The following NTRK3 variants were observed in gnomAD, a reference collection of about 807,000 sequenced individuals.
NTRK3 encodes neurotrophic receptor tyrosine kinase 3.
Under a neutral mutation model 91.7 loss-of-function variants are expected in NTRK3, and 24 were observed. The observed-to-expected ratio is 0.26, with a 90% CI of 0.19 to 0.37. NTRK3 has a LOEUF of 0.37. Ranked by LOEUF, NTRK3 falls within the 10% of genes least tolerant of loss-of-function variation. NTRK3 has a pLI of 1.00. For synonymous variants in NTRK3, 483 were observed against 404.0 expected (o/e 1.20, Z -2.34); for missense variants, 880 against 1,068.9 (o/e 0.82, Z 2.46).
At chr15:87,986,488 G>A (rs922081363) in intron 14 of NTRK3, among the ~76,000 whole-genome samples, 1 of 152,110 alleles carries the variant, frequency 6.6e-6, no homozygotes, top group Non-Finnish European at 1.5e-5. Flanking sequence ...TCCTTTTCAG[G>A]AATCTTGAAA....
chr15:87,919,077 A>G (rs985249014), intron 17 of NTRK3, among the ~76,000 whole-genome samples: 1 of 151,488 alleles, frequency 6.6e-6, no homozygotes, highest in South Asian at 2.1e-4. Context: ...CAATAATGCT[A>G]TTGGTGTGGC....
At chr15:87,964,298 A>G (rs2072589708) in intron 14 of NTRK3, among the ~76,000 whole-genome samples, 2 of 151,906 alleles carry the variant, frequency 1.3e-5, no homozygotes, top group African/African-American at 4.8e-5. Context: ...TTATAGACAG[A>G]TAGATCAATC....
At chr15:88,138,604 C>T (rs1331539636) in intron 6 of NTRK3, among the ~76,000 whole-genome samples, 1 of 152,136 alleles carries the variant, frequency 6.6e-6, no homozygotes, top group Non-Finnish European at 1.5e-5. Flanking sequence ...TGCAAGGTCA[C>T]CTGTTGACTG....
intron 5 of NTRK3, among the ~76,000 whole-genome samples, chr15:88,181,591 G>A (rs1339745633): frequency 6.6e-6 from 1 of 152,182 alleles, no homozygotes; most frequent in Non-Finnish European, 1.5e-5. Flanking sequence ...CGCATCAACA[G>A]CATCCCTCCC....
At chr15:88,094,664 T>TA (rs1163939817) in intron 13 of NTRK3, among the ~76,000 whole-genome samples, 1 of 152,054 alleles carries the variant, frequency 6.6e-6, no homozygotes, top group Non-Finnish European at 1.5e-5. Flanking sequence ...GGCTTTCTCC[T>TA]AGGGCTGGGC....
intron 14 of NTRK3, among the ~76,000 whole-genome samples, chr15:87,976,424 G>T (rs2073720171): frequency 6.6e-6 from 1 of 152,156 alleles, no homozygotes; most frequent in Admixed American, 6.5e-5. Flanking sequence ...TACTTTACTT[G>T]TCTCATCTCT....
chr15:88,118,857 C>T (rs1277218598), intron 13 of NTRK3, among the ~76,000 whole-genome samples: 1 of 152,176 alleles, frequency 6.6e-6, no homozygotes, highest in Non-Finnish European at 1.5e-5. Flanking sequence ...TTTGCAACAA[C>T]ACGAGTCAGT....
chr15:87,866,945 G>C (rs2064698006), exon 19 of NTRK3: 1 of 214,654 alleles, frequency 4.7e-6, no homozygotes, highest in East Asian at 6.9e-5. Flanking sequence ...ACTCTCATAG[G>C]GGCCTAGAAA....
chr15:88,181,997 C>T (rs967493367), intron 5 of NTRK3, among the ~76,000 whole-genome samples: 1 of 152,146 alleles, frequency 6.6e-6, no homozygotes, highest in Non-Finnish European at 1.5e-5. Context: ...AACATCTGGT[C>T]CAAGACCCTC....
intron 14 of NTRK3, among the ~76,000 whole-genome samples, chr15:88,025,436 T>C (rs1418581781): frequency 6.6e-6 from 1 of 152,230 alleles, no homozygotes; most frequent in Non-Finnish European, 1.5e-5. Context: ...CCTTACAATG[T>C]AAACTTTATT....
chr15:88,038,967 C>T (rs1371450602), intron 13 of NTRK3, among the ~76,000 whole-genome samples: 2 of 152,106 alleles, frequency 1.3e-5, no homozygotes, highest in African/African-American at 4.8e-5. Context: ...TTAATAACCA[C>T]AGTGAAGAAT....
At chr15:88,007,406 T>C (rs1295147110) in intron 14 of NTRK3, among the ~76,000 whole-genome samples, 1 of 152,128 alleles carries the variant, frequency 6.6e-6, no homozygotes, top group Non-Finnish European at 1.5e-5. Flanking sequence ...CCCAAAAAGA[T>C]GATTCTTGGG....
intron 3 of NTRK3, among the ~76,000 whole-genome samples, chr15:88,215,104 C>G (rs1349246122): frequency 1.3e-5 from 2 of 152,238 alleles, no homozygotes; most frequent in Non-Finnish European, 2.9e-5. Context: ...TCCCTCACCT[C>G]CTACCCTATG....
At chr15:88,191,904 G>A (rs1325829056) in intron 3 of NTRK3, among the ~76,000 whole-genome samples, 1 of 152,198 alleles carries the variant, frequency 6.6e-6, no homozygotes, top group Non-Finnish European at 1.5e-5. Flanking sequence ...TAGATGCCTG[G>A]GGAGCCAGAC....
chr15:87,921,381 G>C (rs8031510), intron 17 of NTRK3, among the ~76,000 whole-genome samples: 50,750 of 151,980 alleles, frequency 0.33, 9,688 homozygotes, highest in African/African-American at 0.54. Context: ...TAAAACCAAA[G>C]GGACAAATCT....
At chr15:88,197,723 T>C (rs1055695993) in intron 3 of NTRK3, among the ~76,000 whole-genome samples, 1 of 152,196 alleles carries the variant, frequency 6.6e-6, no homozygotes, top group African/African-American at 2.4e-5. Context: ...ATTCTTCCTG[T>C]CCCCATGTGT....
chr15:88,074,467 G>A (rs1259987089), intron 13 of NTRK3, among the ~76,000 whole-genome samples: 2 of 152,208 alleles, frequency 1.3e-5, no homozygotes, highest in African/African-American at 4.8e-5. Flanking sequence ...ATTGGAGAGT[G>A]CAGCTCTAGA....
At position 88,010,737 on chromosome 15, in the gene NTRK3, TACACACACACCCAC is replaced by T. The variant is rs1596676022; in HGVS notation, c.1585+22106_1585+22119del. ...TTTTACCTCTAGCACTGCTGGAATT[TACACACACACCCAC>T]ACACACACACACACACAAAATCAAA... On this transcript the variant is annotated intron_variant, in intron 14 of 18. Transcript: ENST00000394480. Among the ~76,000 whole-genome samples, 5 of 147,518 alleles carry T rather than the reference TACACACACACCCAC, an allele frequency of 3.4e-5. No individual in the cohort carries two copies. The East Asian group carries it at 9.7e-4, about 29-fold the overall frequency.
intron 13 of NTRK3, among the ~76,000 whole-genome samples, chr15:88,046,000 C>T (rs573076178): frequency 5.9e-5 from 9 of 152,350 alleles, no homozygotes; most frequent in Admixed American, 2.6e-4. Flanking sequence ...GTGATTAAGA[C>T]TTCAACATAT....
Sources: gnomAD v4.1 joint callset for allele counts (sites outside exome capture counted in the v4.1 genomes callset) on GRCh38, gnomAD v4.1.1 for gene constraint, MANE v1.5 for transcripts, NCBI Gene and HGNC (gene_info 2026-07-23, HGNC 2026-07-21) for gene names.